The following PRIMA1 variants were observed in gnomAD, a reference collection of about 807,000 sequenced individuals.
The protein encoded by PRIMA1 is proline-rich membrane anchor 1.
A neutral mutation model predicts 17.5 loss-of-function variants in PRIMA1; 7 were observed. The observed-to-expected ratio is 0.40, with a 90% CI of 0.23 to 0.75. The LOEUF (loss-of-function observed/expected upper bound fraction) is 0.75, where lower values mean the gene tolerates loss of function less well. Ranked by LOEUF, PRIMA1 falls within the 30% of genes least tolerant of loss-of-function variation. The probability of loss-of-function intolerance (pLI) is 0.37; values close to 1 mark genes in which losing one functional copy is unlikely to be tolerated. For synonymous variants in PRIMA1, 97 were observed against 77.9 expected, an observed-to-expected ratio of 1.25 and a Z score of -1.29; for missense variants, 200 against 201.8, an observed-to-expected ratio of 0.99 and a Z score of 0.05.
intron 3 of PRIMA1, among the ~76,000 whole-genome samples, chr14:93,757,268 T>C (rs2076297405): frequency 6.6e-6 from 1 of 152,064 alleles, no homozygotes; most frequent in Non-Finnish European, 1.5e-5. Flanking sequence ...ACTTAATGGC[T>C]GCCCCTCTGA....
chr14:93,752,267 A>G (rs761741026), intron 3 of PRIMA1, among the ~76,000 whole-genome samples: 74 of 152,158 alleles, frequency 4.9e-4, no homozygotes, highest in Non-Finnish European at 5.7e-4. Context: ...AGATAAGGAA[A>G]CTGAGGGTTC....
At chr14:93,727,005 A>G (rs1405348931) in intron 4 of PRIMA1, among the ~76,000 whole-genome samples, 1 of 152,130 alleles carries the variant, frequency 6.6e-6, no homozygotes, top group Admixed American at 6.5e-5. Context: ...GACTTCCCCA[A>G]ACCTGGGTCA....
At chr14:93,740,361 G>C (rs951933842) in intron 3 of PRIMA1, among the ~76,000 whole-genome samples, 6 of 152,002 alleles carry the variant, frequency 3.9e-5, no homozygotes, top group African/African-American at 1.5e-4. Context: ...CCCTGACTTG[G>C]CTGTGTCTTC....
At chr14:93,761,732 T>A (rs1201312748) in intron 3 of PRIMA1, among the ~76,000 whole-genome samples, 1 of 152,080 alleles carries the variant, frequency 6.6e-6, no homozygotes, top group African/African-American at 2.4e-5. Context: ...TCCCACAGCA[T>A]CTGGCCCATA....
At position 93,771,489 on chromosome 14, in the gene PRIMA1, C is replaced by A. The variant is rs57495249; in HGVS notation, c.229+7687G>T. On this transcript the variant is annotated intron_variant, in intron 3 of 4. Coordinates refer to ENST00000393140, the MANE Select transcript of PRIMA1 (RefSeq NM_178013.4). ...GACCCAATCTACAGCCAATATTGAC[C>A]ACAAGACATGGGAGAGGAAGCCTTC... Among the ~76,000 whole-genome samples, 361 of 152,192 alleles carry A rather than the reference C, an allele frequency of 2.4e-3. 13 individuals are homozygous for A. The East Asian group carries it at 0.058, about 25-fold the overall frequency.
Position 93,754,442 on chromosome 14 carries a change from G to T in PRIMA1, c.230-17072C>A, listed in dbSNP as rs189161858. On this transcript the variant is annotated intron_variant, in intron 3 of 4. Transcript: ENST00000393140. Reference sequence around the variant, plus strand: ...TTGCCTAGGGGGGCCATGGTGGGGGGGGCCTTGACCTCTGTCCTCTGGTCC... The same window carrying T: ...TTGCCTAGGGGGGCCATGGTGGGGGTGGCCTTGACCTCTGTCCTCTGGTCC... Among the ~76,000 whole-genome samples, 506 of 151,058 alleles carry T rather than the reference G, an allele frequency of 3.3e-3. 4 individuals are homozygous for T. Among genetic ancestry groups the T allele is most frequent in the South Asian group, 0.011 (53 of 4,716 alleles).
At chr14:93,730,177 C>T (rs913164683) in intron 4 of PRIMA1, among the ~76,000 whole-genome samples, 4 of 152,118 alleles carry the variant, frequency 2.6e-5, no homozygotes, top group East Asian at 1.9e-4. Context: ...TGCCAGGCAC[C>T]GTCGGGAGAG....
chr14:93,726,225 G>A lies in PRIMA1; in HGVS notation c.360-4679C>T, dbSNP rs1240906574. Among the ~76,000 whole-genome samples the A allele has an allele frequency of 6.6e-6, 1 of 152,134 alleles. No individual in the cohort carries two copies. Among genetic ancestry groups the A allele is most frequent in the African/African-American group, 2.4e-5 (1 of 41,424 alleles). On this transcript the variant is annotated intron_variant, in intron 4 of 4. Transcript: ENST00000393140. This position sits in a 1 kb window ranked among gnomAD's most constrained non-coding sequence, Gnocchi z 4.2. ...CCCCTGCAGAAACTGTGCCTCCACC[G>A]GCATCTTTGGCCTGGGCAAGGAGGG...
At chr14:93,767,785 C>T (rs527519987) in intron 3 of PRIMA1, among the ~76,000 whole-genome samples, 12 of 152,126 alleles carry the variant, frequency 7.9e-5, no homozygotes, top group Non-Finnish European at 1.5e-4. Flanking sequence ...CTGGAGACAG[C>T]GAGGAATGAG....
intron 3 of PRIMA1, among the ~76,000 whole-genome samples, chr14:93,742,871 C>T (rs2076192949): frequency 6.6e-6 from 1 of 152,152 alleles, no homozygotes. Context: ...AGCCAGGGGC[C>T]TTGCGACGGT....
chr14:93,718,352 A>G lies in PRIMA1; in HGVS notation c.*3092T>C, dbSNP rs1370726637. ...AAAGTCATGGTGCTTTCTTCCTCATAAGTGGCATATGGACACCCCCAGTGC... is the reference window on the plus strand; with the variant it reads ...AAAGTCATGGTGCTTTCTTCCTCATGAGTGGCATATGGACACCCCCAGTGC... On this transcript the variant is annotated 3_prime_UTR_variant, in exon 5 of 5. Coordinates refer to ENST00000393140, the MANE Select transcript of PRIMA1 (RefSeq NM_178013.4). The G allele has an allele frequency of 6.6e-6, 1 of 152,166 alleles. No individual in the cohort carries two copies. The highest frequency in any genetic ancestry group is 6.6e-5 in the Admixed American group (1 of 15,262). 9.4% of individuals were successfully genotyped at this position (152,166 alleles called of 1,614,324 possible).
chr14:93,744,988 G>T (rs182469657), intron 3 of PRIMA1, among the ~76,000 whole-genome samples: 1 of 152,116 alleles, frequency 6.6e-6, no homozygotes. Flanking sequence ...TAGCCTAAAC[G>T]GGTCTCTTGC....
In PRIMA1 at chr14:93,783,012, T is replaced by C. The variant is rs181508197; in HGVS notation, c.94-3701A>G. 3.5e-3 allele frequency among the ~76,000 whole-genome samples: 534 copies of C among 152,288 alleles called. 1 individual carries two copies. The highest frequency in any genetic ancestry group is 5.7e-3 in the Non-Finnish European group (386 of 68,026). ...AATTTCTGGCTCAAGCAGTCCTCCT[T>C]CTTGGGCAAAACCATCCTAAACCCT... On this transcript the variant is annotated intron_variant, in intron 2 of 4. Coordinates refer to ENST00000393140, the MANE Select transcript of PRIMA1 (RefSeq NM_178013.4).
chr14:93,759,586 G>A (rs1026400661), intron 3 of PRIMA1, among the ~76,000 whole-genome samples: 4 of 152,234 alleles, frequency 2.6e-5, no homozygotes, highest in African/African-American at 7.2e-5. Flanking sequence ...GCAAAAAAGA[G>A]AGCATGACGG....
rs1002474895 is a variant in PRIMA1 at position 93,745,641 on chromosome 14, G to A, written c.230-8271C>T. On this transcript the variant is annotated intron_variant, in intron 3 of 4. Coordinates refer to ENST00000393140, the MANE Select transcript of PRIMA1 (RefSeq NM_178013.4). ...TCTGCCCTCTGAGTGGCCACATCCT[G>A]TGGCTGCTCCCTTCAACCCCCTCTC... is the stretch of plus-strand genomic sequence containing the variant. 5.3e-5 allele frequency among the ~76,000 whole-genome samples: 8 copies of A among 152,198 alleles called. 1 individual carries two copies. Among genetic ancestry groups the A allele is most frequent in the Admixed American group, 2.6e-4 (4 of 15,286 alleles).
intron 3 of PRIMA1, among the ~76,000 whole-genome samples, chr14:93,747,941 G>T (rs1333354458): frequency 9.5e-5 from 2 of 21,160 alleles, no homozygotes; most frequent in African/African-American, 1.4e-4. Context: ...TTATGTGAGT[G>T]TGTGTGTATG....
At chr14:93,784,921 A>G (rs1885479190) in intron 2 of PRIMA1, among the ~76,000 whole-genome samples, 1 of 152,162 alleles carries the variant, frequency 6.6e-6, no homozygotes, top group Non-Finnish European at 1.5e-5. Context: ...CGCCCAATAA[A>G]TGCTGCCGAA....
chr14:93,738,788 AC>A (rs2076166864), intron 3 of PRIMA1, among the ~76,000 whole-genome samples: 1 of 152,188 alleles, frequency 6.6e-6, no homozygotes, highest in South Asian at 2.1e-4. Context: ...AATATTTCCA[AC>A]AGCCCAGAAA....
chr14:93,729,295 ACT>A (rs1481853469), intron 4 of PRIMA1, among the ~76,000 whole-genome samples: 2 of 152,136 alleles, frequency 1.3e-5, no homozygotes, highest in African/African-American at 2.4e-5. Flanking sequence ...CTTTGACCTG[ACT>A]CACAGTACAA....
Sources: gnomAD v4.1 joint callset for allele counts (sites outside exome capture counted in the v4.1 genomes callset) on GRCh38, gnomAD v4.1.1 for gene constraint, Gnocchi (gnomAD v3.1) non-coding constraint, MANE v1.5 for transcripts, NCBI Gene and HGNC (gene_info 2026-07-23, HGNC 2026-07-21) for gene names.